The following VPS13B variants were observed in gnomAD, a reference collection of about 807,000 sequenced individuals.
VPS13B encodes intermembrane lipid transfer protein VPS13B.
VPS13B carries 285 observed loss-of-function variants against 426.4 expected under a neutral mutation model. That is an observed-to-expected ratio of 0.67 (90% CI 0.61 to 0.74). VPS13B has a LOEUF of 0.74. Ranked by LOEUF, VPS13B falls within the 30% of genes least tolerant of loss-of-function variation. VPS13B has a pLI of 0.00. For synonymous variants in VPS13B, 1,676 were observed against 1,676.4 expected, an observed-to-expected ratio of 1.00 and a Z score of 0.01; for missense variants, 4,537 against 4,782.6, an observed-to-expected ratio of 0.95 and a Z score of 1.51.
At chr8:99,377,884 G>A (rs1813574169) in intron 19 of VPS13B, among the ~76,000 whole-genome samples, 1 of 152,150 alleles carries the variant, frequency 6.6e-6, no homozygotes, top group Non-Finnish European at 1.5e-5. Flanking sequence ...CAAGGCAGAA[G>A]GTCAGGGTGA....
chr8:99,192,495 G>T (rs991819497), intron 16 of VPS13B, among the ~76,000 whole-genome samples: 1 of 152,146 alleles, frequency 6.6e-6, no homozygotes, highest in South Asian at 2.1e-4. Context: ...TATTATGGAA[G>T]GATTCAACGT....
chr8:99,446,421 A>G (rs905207538), intron 23 of VPS13B, among the ~76,000 whole-genome samples: 2 of 151,956 alleles, frequency 1.3e-5, no homozygotes, highest in African/African-American at 4.8e-5. Flanking sequence ...GGATCTTCTC[A>G]GTCTTTGTGT....
Position 99,038,487 on chromosome 8 carries a change from G to C in VPS13B, c.212G>C (p.Trp71Ser). 6.2e-7 allele frequency: 1 copy of C among 1,612,176 alleles called. No individual in the cohort carries two copies. Among genetic ancestry groups the C allele is most frequent in the Non-Finnish European group, 8.5e-7 (1 of 1,178,934 alleles). Residue 71 changes from tryptophan to serine, a missense_variant, in exon 3 of 62, where the codon TGG (tryptophan) becomes TCG (serine). By Grantham distance (177) the Trp-to-Ser change is radical. This residue lies in a region of VPS13B where 226 missense variants were observed against 308.3 expected (regional missense o/e 0.73). Coordinates refer to ENST00000357162, the MANE Select transcript of VPS13B (RefSeq NM_152564.5). ...CATGAATTGAGGATTCATGTACCAT[G>C]GACAAAACTGGGTTCAGAACCAGTG... ...HIHELRIHVP[W>S]TKLGSEPVVI...
At chr8:99,674,402 T>C (rs1830839499) in intron 35 of VPS13B, among the ~76,000 whole-genome samples, 1 of 152,100 alleles carries the variant, frequency 6.6e-6, no homozygotes, top group South Asian at 2.1e-4. Context: ...ACTTTTACTA[T>C]TTTTGGGTTT....
chr8:99,209,588 G>A lies in VPS13B; in HGVS notation c.2515+16531G>A. 4.7e-6 allele frequency: 1 copy of A among 212,842 alleles called. No individual in the cohort carries two copies. The highest frequency in any genetic ancestry group is 5.9e-5 in the Admixed American group (1 of 17,006). The allele number at this position is 212,842 out of a possible 1,614,324, so 13.2% of individuals were successfully genotyped here. Reference sequence around the variant, plus strand: ...ACAATTTTTTTTTTTTTTTTACTTTGTAGAGATTGGGTCTTGCTATGTTGC... The same window carrying A: ...ACAATTTTTTTTTTTTTTTTACTTTATAGAGATTGGGTCTTGCTATGTTGC... On this transcript the variant is annotated intron_variant, in intron 17 of 61. Transcript: ENST00000357162.
intron 49 of VPS13B, among the ~76,000 whole-genome samples, chr8:99,820,994 C>T (rs984790345): frequency 7.3e-5 from 11 of 151,080 alleles, no homozygotes; most frequent in Admixed American, 7.3e-4. Flanking sequence ...GCAGGGTAGT[C>T]ACTGTTTGGG....
At chr8:99,142,646 C>T (rs1265256090) in intron 12 of VPS13B, among the ~76,000 whole-genome samples, 1 of 152,098 alleles carries the variant, frequency 6.6e-6, no homozygotes, top group Non-Finnish European at 1.5e-5. Flanking sequence ...AAAGTACCCC[C>T]TCTCAGTCAA....
At chr8:99,809,848 T>C (rs1014491440) in intron 44 of VPS13B, among the ~76,000 whole-genome samples, 4 of 152,074 alleles carry the variant, frequency 2.6e-5, no homozygotes, top group African/African-American at 7.2e-5. Context: ...AAGTCCTTTA[T>C]TGAGAAGGAA....
chr8:99,207,236 T>TTG (rs372267117), intron 17 of VPS13B, among the ~76,000 whole-genome samples: 12 of 151,996 alleles, frequency 7.9e-5, no homozygotes, highest in African/African-American at 1.4e-4. Flanking sequence ...GGTTGCAATT[T>TTG]TGTGTGTGTG....
chr8:99,770,354 T>TAGATTCACTCTTTTTGGTC (rs1563909424), intron 40 of VPS13B, among the ~76,000 whole-genome samples: 9 of 149,002 alleles, frequency 6.0e-5, no homozygotes, highest in East Asian at 2.0e-4. Context: ...GCCCTGGTCA[T>TAGATTCACTCTTTTTGGTC]GCTATCCATT....
intron 17 of VPS13B, among the ~76,000 whole-genome samples, chr8:99,201,802 G>A (rs1003441825): frequency 5.3e-5 from 8 of 152,004 alleles, no homozygotes; most frequent in Non-Finnish European, 7.4e-5. Flanking sequence ...TTTCTGTTGC[G>A]CATTATTTTC....
Position 99,877,344 on chromosome 8 carries a change from T to C in VPS13B, c.*1678T>C, listed in dbSNP as rs2130995635. ...CTATTTCTAAAAATGTAAATATGTA[T>C]TAATCCTTGTATCTTTTATGGTAAT... On this transcript the variant is annotated 3_prime_UTR_variant, in exon 62 of 62. Transcript: ENST00000357162. 1 of 152,808 alleles carries C rather than the reference T, an allele frequency of 6.5e-6. No homozygotes were observed. The allele number at this position is 152,808 out of a possible 1,614,324, so 9.5% of individuals were successfully genotyped here.
intron 17 of VPS13B, among the ~76,000 whole-genome samples, chr8:99,223,433 G>A (rs1475287485): frequency 6.6e-6 from 1 of 152,108 alleles, no homozygotes; most frequent in Non-Finnish European, 1.5e-5. Context: ...CCTCACAGCA[G>A]TTTAGAGAGG....
chr8:99,307,706 A>G (rs185257316), intron 19 of VPS13B, among the ~76,000 whole-genome samples: 5 of 152,114 alleles, frequency 3.3e-5, no homozygotes, highest in African/African-American at 4.8e-5. Context: ...TATCTGTTAA[A>G]AACCTTTTCC....
chr8:99,294,845 A>T (rs1343238089), intron 19 of VPS13B, among the ~76,000 whole-genome samples: 1 of 152,184 alleles, frequency 6.6e-6, no homozygotes, highest in East Asian at 1.9e-4. Context: ...TTTGTTTATT[A>T]TTATTGCTGT....
At position 99,481,625 on chromosome 8, in the gene VPS13B, TATC is replaced by T; in HGVS notation, c.3696_3698del (p.Ile1232del). On this transcript the variant is annotated inframe_deletion, in exon 25 of 62. Transcript: ENST00000357162. ...TCCAGCTCTTCTATGAACTAACTGA[TATC>T]ATGAATAAGGTCTGGAACAAGATTC... 1.2e-6 allele frequency: 2 copies of T among 1,613,936 alleles called. No individual in the cohort carries two copies. The highest frequency in any genetic ancestry group is 1.7e-6 in the Non-Finnish European group (2 of 1,179,868).
intron 33 of VPS13B, among the ~76,000 whole-genome samples, chr8:99,593,784 A>G (rs1826824463): frequency 6.6e-6 from 1 of 152,142 alleles, no homozygotes; most frequent in African/African-American, 2.4e-5. Context: ...TAAAGCCATT[A>G]TGCTCAGCAA....
At chr8:99,441,854 C>T (rs901805620) in intron 22 of VPS13B, among the ~76,000 whole-genome samples, 1 of 152,016 alleles carries the variant, frequency 6.6e-6, no homozygotes, top group Non-Finnish European at 1.5e-5. Flanking sequence ...AAATCTGATA[C>T]ATGTATGTAT....
At chr8:99,063,597 G>A (rs1844316321) in intron 3 of VPS13B, among the ~76,000 whole-genome samples, 1 of 152,230 alleles carries the variant, frequency 6.6e-6, no homozygotes, top group Non-Finnish European at 1.5e-5. Context: ...GCCAACCACA[G>A]CTCAGCAAGG....
Sources: allele counts gnomAD v4.1 joint callset (sites outside exome capture counted in the v4.1 genomes callset), GRCh38; gene constraint gnomAD v4.1.1; regional missense constraint gnomAD v4.1.1; transcripts MANE v1.5; gene names NCBI Gene and HGNC (gene_info 2026-07-23, HGNC 2026-07-21).